Variants in HERPUD2 observed in about 807,000 individuals in gnomAD.
The protein encoded by HERPUD2 is homocysteine-responsive endoplasmic reticulum-resident ubiquitin-like domain member 2 protein.
HERPUD2 carries 13 observed loss-of-function variants against 49.9 expected under a neutral mutation model. The ratio of observed to expected loss-of-function variants is 0.26; its 90% CI spans 0.17 to 0.41. The LOEUF (loss-of-function observed/expected upper bound fraction) is 0.41. Ranked by LOEUF, HERPUD2 falls within the 10% of genes least tolerant of loss-of-function variation. The pLI is 1.00. For synonymous variants in HERPUD2, 172 were observed against 171.4 expected (o/e 1.00, Z -0.03); for missense variants, 449 against 492.2 (o/e 0.91, Z 0.83).
chr7:35,647,171 C>T (rs915539560), intron 5 of HERPUD2, among the ~76,000 whole-genome samples: 1 of 152,132 alleles, frequency 6.6e-6, no homozygotes, highest in East Asian at 1.9e-4. Flanking sequence ...TCCATACAAG[C>T]GACCAAGCAG....
chr7:35,691,527 T>C (rs1486362008), intron 2 of HERPUD2, among the ~76,000 whole-genome samples: 1 of 152,174 alleles, frequency 6.6e-6, no homozygotes, highest in Non-Finnish European at 1.5e-5. Flanking sequence ...CATCAACTTT[T>C]TACTTACTGG....
At chr7:35,683,528 A>C (rs762484065) in intron 2 of HERPUD2, among the ~76,000 whole-genome samples, 4 of 152,258 alleles carry the variant, frequency 2.6e-5, no homozygotes, top group Non-Finnish European at 5.9e-5. Flanking sequence ...TTTCATGACC[A>C]AGAACCCAAA....
intron 2 of HERPUD2, among the ~76,000 whole-genome samples, chr7:35,690,983 C>T (rs2116058078): frequency 6.6e-6 from 1 of 152,302 alleles, no homozygotes; most frequent in South Asian, 2.1e-4. Context: ...TCCTGTGTTC[C>T]TATGCAACAC....
intron 2 of HERPUD2, 68 bp downstream of exon 2, chr7:35,694,116 A>G (rs1473293044): frequency 1.3e-6 from 2 of 1,551,690 alleles, no homozygotes; most frequent in Non-Finnish European, 1.8e-6. Flanking sequence ...GAGAAGCAGG[A>G]AAAAGGAGGG....
chr7:35,654,387 A>G (rs1583548353), intron 5 of HERPUD2, among the ~76,000 whole-genome samples: 1 of 152,064 alleles, frequency 6.6e-6, no homozygotes, highest in Non-Finnish European at 1.5e-5. Context: ...CCACAGAAAT[A>G]TAAAAGAGAA....
chr7:35,665,911 A>C (rs1198049562), intron 5 of HERPUD2, among the ~76,000 whole-genome samples: 1 of 152,214 alleles, frequency 6.6e-6, no homozygotes, highest in Non-Finnish European at 1.5e-5. Context: ...TTTGTTTATT[A>C]CAAAATATAT....
intron 5 of HERPUD2, among the ~76,000 whole-genome samples, chr7:35,647,179 C>T (rs941708363): frequency 4.6e-5 from 7 of 152,158 alleles, no homozygotes; most frequent in African/African-American, 1.7e-4. Context: ...AGCGACCAAG[C>T]AGCAACCTCA....
chr7:35,671,063 A>G (rs1785633543), intron 3 of HERPUD2, among the ~76,000 whole-genome samples: 1 of 152,116 alleles, frequency 6.6e-6, no homozygotes, highest in Non-Finnish European at 1.5e-5. Flanking sequence ...GTTTTTTAAA[A>G]AGAAAAGAAC....
intron 2 of HERPUD2, among the ~76,000 whole-genome samples, chr7:35,678,566 G>A (rs190332388): frequency 1.2e-4 from 18 of 152,240 alleles, no homozygotes; most frequent in Admixed American, 2.0e-4. Flanking sequence ...CCCCTAAAGC[G>A]CTGGGATTAC....
chr7:35,654,458 C>T (rs185260157), intron 5 of HERPUD2, among the ~76,000 whole-genome samples: 33 of 151,842 alleles, frequency 2.2e-4, no homozygotes, highest in African/African-American at 8.0e-4. Context: ...CTATTATGAA[C>T]AACTACACAC....
intron 4 of HERPUD2, among the ~76,000 whole-genome samples, chr7:35,668,880 G>A (rs989184238): frequency 2.0e-5 from 3 of 152,070 alleles, no homozygotes; most frequent in African/African-American, 7.2e-5. Context: ...AATGATTTCT[G>A]ACCTTATTAG....
chr7:35,641,103 G>C (rs1784961417), intron 5 of HERPUD2, among the ~76,000 whole-genome samples: 1 of 152,150 alleles, frequency 6.6e-6, no homozygotes, highest in African/African-American at 2.4e-5. Context: ...TAGTTAATAT[G>C]TTTTCTATAT....
intron 5 of HERPUD2, among the ~76,000 whole-genome samples, chr7:35,654,781 T>A (rs1243889142): frequency 1.3e-5 from 2 of 151,762 alleles, no homozygotes; most frequent in African/African-American, 4.8e-5. Flanking sequence ...GTCCAAGTGA[T>A]TCTCATGCTT....
At chr7:35,645,601 G>T (rs1278870223) in intron 5 of HERPUD2, among the ~76,000 whole-genome samples, 1 of 151,976 alleles carries the variant, frequency 6.6e-6, no homozygotes, top group Non-Finnish European at 1.5e-5. Flanking sequence ...TAAACAAAAT[G>T]ATGTATAACA....
At position 35,682,237 on chromosome 7, in the gene HERPUD2, A is replaced by T. The variant is rs568543170; in HGVS notation, c.148-8959T>A. Reference sequence around the variant, plus strand: ...TGTGTGTGTGTGTATATATAGATATATACACATACACACGTGTGTGTGTGT... The same window carrying T: ...TGTGTGTGTGTGTATATATAGATATTTACACATACACACGTGTGTGTGTGT... On this transcript the variant is annotated intron_variant, in intron 2 of 8. Transcript: ENST00000311350. Among the ~76,000 whole-genome samples, 363 of 111,638 alleles carry T rather than the reference A, an allele frequency of 3.3e-3. 6 individuals are homozygous for T. The highest frequency in any genetic ancestry group is 0.014 in the African/African-American group (343 of 25,272). 73.2% of individuals were successfully genotyped at this position (111,638 alleles called of 152,430 possible). A position where few individuals can be genotyped will look rare whatever the true frequency, so the allele number is the denominator to read the frequency against.
chr7:35,667,017 C>T (rs1439506077), intron 5 of HERPUD2, among the ~76,000 whole-genome samples: 1 of 152,196 alleles, frequency 6.6e-6, no homozygotes, highest in African/African-American at 2.4e-5. Flanking sequence ...CCCCTAAACA[C>T]TAAATTGAGT....
Position 35,666,718 on chromosome 7 carries a change from G to A in HERPUD2, c.494+716C>T, listed in dbSNP as rs142809897. Among the ~76,000 whole-genome samples, 331 of 152,300 alleles carry A rather than the reference G, an allele frequency of 2.2e-3. 3 individuals carry two copies. The highest frequency in any genetic ancestry group is 7.6e-3 in the African/African-American group (314 of 41,566). On this transcript the variant is annotated intron_variant, in intron 5 of 8. Transcript: ENST00000311350. ...TCCTACTCTCTAAGCTGCTTTACCT[G>A]TGGCTGCATTTCCTCTGGAAGTGCC...
chr7:35,670,696 A>C (rs528649212), intron 3 of HERPUD2, among the ~76,000 whole-genome samples: 1 of 152,242 alleles, frequency 6.6e-6, no homozygotes, highest in Admixed American at 6.5e-5. Flanking sequence ...CCATCACTTG[A>C]GGCTTAGCAA....
chr7:35,667,685 G>A, intron 4 of HERPUD2, 97 bp from the exon 5 acceptor site: 1 of 889,108 alleles, frequency 1.1e-6, no homozygotes. Context: ...AAATCCCTCT[G>A]CAAAATAACA....
Sources: gnomAD v4.1 joint callset for allele counts (sites outside exome capture counted in the v4.1 genomes callset) on GRCh38, gnomAD v4.1.1 for gene constraint, MANE v1.5 for transcripts, NCBI Gene and HGNC (gene_info 2026-07-23, HGNC 2026-07-21) for gene names.